The following SV2C variants were observed in gnomAD, a reference collection of about 807,000 sequenced individuals.
SV2C encodes solute carrier family 22 member B3.
A neutral mutation model predicts 79.7 loss-of-function variants in SV2C; 49 were observed. That is an observed-to-expected ratio of 0.61 (90% confidence interval 0.49 to 0.78). The LOEUF (loss-of-function observed/expected upper bound fraction) is 0.78. Among genes scored for constraint, SV2C ranks in the 30% least tolerant of loss-of-function variants. The pLI, the probability that SV2C is intolerant of heterozygous loss-of-function variation, is 0.00. For missense variants in SV2C, 833 were observed against 912.9 expected, an observed-to-expected ratio of 0.91 and a Z score of 1.13; for synonymous variants, 334 against 333.2, an observed-to-expected ratio of 1.00 and a Z score of -0.03.
chr5:75,912,371 T>TAC, the SV2C span, among the ~76,000 whole-genome samples: 47 of 152,274 alleles, frequency 3.1e-4, no homozygotes, highest in African/African-American at 1.1e-3. Flanking sequence ...CAGGCACCTG[T>TAC]AGTTCCAGCT....
the SV2C span, among the ~76,000 whole-genome samples, chr5:75,924,487 G>C: frequency 6.6e-6 from 1 of 152,154 alleles, no homozygotes; most frequent in African/African-American, 2.4e-5. Context: ...AAATTGCTGA[G>C]CTAAAATAAG....
At chr5:75,989,895 C>CT in the SV2C span, among the ~76,000 whole-genome samples, 128 of 141,812 alleles carry the variant, frequency 9.0e-4, no homozygotes, top group Non-Finnish European at 1.2e-3. Flanking sequence ...TGATGTTGAG[C>CT]TTTTTTTTTT....
At chr5:76,273,759 C>G (rs951132702) in intron 4 of SV2C, among the ~76,000 whole-genome samples, 31 of 152,288 alleles carry the variant, frequency 2.0e-4, no homozygotes, top group African/African-American at 7.5e-4. Context: ...AATTTAACCC[C>G]TGGACTCTCT....
At chr5:75,899,054 G>A in the SV2C span, among the ~76,000 whole-genome samples, 78 of 152,016 alleles carry the variant, frequency 5.1e-4, no homozygotes, top group African/African-American at 1.4e-3. Flanking sequence ...AGGGTTTTTT[G>A]TGTCTCTATT....
At chr5:76,001,785 C>A in the SV2C span, among the ~76,000 whole-genome samples, 1 of 152,044 alleles carries the variant, frequency 6.6e-6, no homozygotes, top group African/African-American at 2.4e-5. Flanking sequence ...ATTCCCCCAG[C>A]CCAGTCATGA....
chr5:76,317,970 G>A (rs913929808), intron 12 of SV2C, among the ~76,000 whole-genome samples: 1 of 152,028 alleles, frequency 6.6e-6, no homozygotes, highest in Admixed American at 6.5e-5. Context: ...CCATTTTTCA[G>A]TGTCCTTTTC....
the SV2C span, among the ~76,000 whole-genome samples, chr5:75,947,768 C>T: frequency 8.5e-5 from 13 of 152,124 alleles, no homozygotes; most frequent in South Asian, 6.2e-4. Context: ...CCCTTATTAA[C>T]ATTTCTTTGA....
At chr5:75,956,397 G>T in the SV2C span, among the ~76,000 whole-genome samples, 1 of 121,222 alleles carries the variant, frequency 8.2e-6, no homozygotes, top group Non-Finnish European at 1.7e-5. Context: ...GGACTGTTGT[G>T]GGGTGGGGGG....
chr5:75,994,460 G>GCAAAAGA, the SV2C span, among the ~76,000 whole-genome samples: 1 of 152,030 alleles, frequency 6.6e-6, no homozygotes, highest in East Asian at 1.9e-4. Context: ...GAGTCTTTCT[G>GCAAAAGA]AATCTGCCTT....
the SV2C span, among the ~76,000 whole-genome samples, chr5:75,980,812 A>C: frequency 6.6e-6 from 1 of 152,172 alleles, no homozygotes; most frequent in East Asian, 1.9e-4. Context: ...CAAGGAAAGG[A>C]TGCTCTTTCT....
At chr5:76,062,170 G>C in the SV2C span, among the ~76,000 whole-genome samples, 2 of 151,988 alleles carry the variant, frequency 1.3e-5, no homozygotes, top group African/African-American at 4.8e-5. Flanking sequence ...GAAGGAGTCT[G>C]ATAGATGGTA....
Position 76,298,890 on chromosome 5 carries a change from G to T in SV2C, c.1599G>T (p.Lys533Asn). The T allele has an allele frequency of 6.2e-7, 1 of 1,613,898 alleles. No homozygotes were observed. Among genetic ancestry groups the T allele is most frequent in the Non-Finnish European group, 8.5e-7 (1 of 1,179,894 alleles). Reference sequence around the variant, plus strand: ...TAACTTCAGTGAACACCTACTTCAAGAACTGCACATTTATTGACACTGTTT... The same window carrying T: ...TAACTTCAGTGAACACCTACTTCAATAACTGCACATTTATTGACACTGTTT... ...EDVTSVNTYF[K>N]NCTFIDTVFD... The change falls in exon 10 of 13, where the codon AAG becomes AAT. Residue 533 changes from lysine to asparagine, a missense_variant. Transcript: ENST00000502798.
chr5:76,082,640 C>G (rs899719508), upstream of SV2C, among the ~76,000 whole-genome samples: 2 of 150,400 alleles, frequency 1.3e-5, no homozygotes, highest in Non-Finnish European at 3.0e-5. Context: ...CTCCACCCCC[C>G]CCCCCTCATA....
At chr5:75,854,998 C>T in the SV2C span, among the ~76,000 whole-genome samples, 2 of 152,164 alleles carry the variant, frequency 1.3e-5, no homozygotes, top group Admixed American at 1.3e-4. Flanking sequence ...TATGCTTAAA[C>T]CAGCTCTACT....
chr5:76,035,065 G>C, the SV2C span, among the ~76,000 whole-genome samples: 1 of 152,002 alleles, frequency 6.6e-6, no homozygotes, highest in Non-Finnish European at 1.5e-5. Context: ...TCTGATGGTA[G>C]TTTGTATTTC....
At chr5:76,078,920 A>C, upstream of SV2C, 1 of 551,392 alleles carries the variant, frequency 1.8e-6, no homozygotes, top group South Asian at 1.5e-5. Flanking sequence ...CAGGGCAAAG[A>C]AGAGATCGAC....
the SV2C span, among the ~76,000 whole-genome samples, chr5:76,050,050 A>G: frequency 5.9e-5 from 9 of 152,192 alleles, no homozygotes; most frequent in African/African-American, 2.2e-4. Flanking sequence ...TCATTTGCAA[A>G]ATGTGGCCAA....
intron 2 of SV2C, among the ~76,000 whole-genome samples, chr5:76,161,994 G>A (rs1742910793): frequency 6.6e-6 from 1 of 152,010 alleles, no homozygotes; most frequent in Non-Finnish European, 1.5e-5. Flanking sequence ...ATTAACTGTA[G>A]CCTACATTTT....
the SV2C span, among the ~76,000 whole-genome samples, chr5:75,906,054 G>C: frequency 6.6e-6 from 1 of 151,578 alleles, no homozygotes; most frequent in African/African-American, 2.4e-5. Flanking sequence ...GAACAGCACA[G>C]CTACAAGCTA....
Sources: allele counts gnomAD v4.1 joint callset (sites outside exome capture counted in the v4.1 genomes callset), GRCh38; gene constraint gnomAD v4.1.1; transcripts MANE v1.5; gene names NCBI Gene and HGNC (gene_info 2026-07-23, HGNC 2026-07-21).